The following NOL9 variants were observed in gnomAD, a reference collection of about 807,000 sequenced individuals.
NOL9 encodes polynucleotide 5'-hydroxyl-kinase NOL9.
A neutral mutation model predicts 67.9 loss-of-function variants in NOL9; 28 were observed. The observed-to-expected ratio is 0.41, with a 90% CI of 0.31 to 0.57. The LOEUF (loss-of-function observed/expected upper bound fraction) is 0.57. Ranked by LOEUF, NOL9 falls within the 20% of genes least tolerant of loss-of-function variation. The pLI, the probability that NOL9 is intolerant of heterozygous loss-of-function variation, is 0.25. For synonymous variants in NOL9, 356 were observed against 352.2 expected, an observed-to-expected ratio of 1.01 and a Z score of -0.12; for missense variants, 777 against 897.0, an observed-to-expected ratio of 0.87 and a Z score of 1.71.
rs1252957760 is a variant in NOL9 at position 6,531,979 on chromosome 1, T to C, written c.1636A>G (p.Thr546Ala). Residue 546 changes from threonine to alanine, a missense_variant, in exon 9 of 12, where the codon ACA becomes GCA. Thr to Ala is a moderately conservative substitution (Grantham distance 58). This residue lies in a region of NOL9 where 413 missense variants were observed against 552.6 expected (regional missense o/e 0.75). Transcript: ENST00000377705. Reference sequence around the variant, plus strand: ...TAAGTTCAGATTACCTGATAGGGTGTCAGGCTATGTAAAGGAGAAAGTGGT... The same window carrying C: ...TAAGTTCAGATTACCTGATAGGGTGCCAGGCTATGTAAAGGAGAAAGTGGT... ...PKPLSPLHSL[T>A]PYQVPFNAVA... 1.9e-6 allele frequency: 3 copies of C among 1,613,126 alleles called. No homozygotes were observed. Among genetic ancestry groups the C allele is most frequent in the Non-Finnish European group, 2.5e-6 (3 of 1,179,184 alleles).
In NOL9 at chr1:6,532,537, A is replaced by G; in HGVS notation, c.1461T>C (p.Ser487=). 6.2e-7 allele frequency: 1 copy of G among 1,613,814 alleles called. No individual in the cohort carries two copies. Among genetic ancestry groups the G allele is most frequent in the Non-Finnish European group, 8.5e-7 (1 of 1,179,952 alleles). Reference sequence around the variant, plus strand: ...GTTTATGTCCAGTGAACTCAACTGGACTCTCTTTTTCTTCATCAGCAAATT... The same window carrying G: ...GTTTATGTCCAGTGAACTCAACTGGGCTCTCTTTTTCTTCATCAGCAAATT... ...ALEFADEEKE[S]PVEFTGHKLI... Residue 487 remains serine, a synonymous_variant, in exon 8 of 12, where the codon AGT becomes AGC. Coordinates refer to ENST00000377705, the MANE Select transcript of NOL9 (RefSeq NM_024654.5).
chr1:6,533,009 T>C (rs949284409), intron 7 of NOL9, among the ~76,000 whole-genome samples: 4 of 152,188 alleles, frequency 2.6e-5, no homozygotes, highest in African/African-American at 4.8e-5. Flanking sequence ...ACCCCATCTT[T>C]ACTAAAACTA....
chr1:6,540,110 C>A (rs1464414656), intron 6 of NOL9, among the ~76,000 whole-genome samples: 13 of 139,102 alleles, frequency 9.3e-5, no homozygotes, highest in Non-Finnish European at 1.5e-4. Flanking sequence ...CTCAGCCTCC[C>A]AAGGAGAGTT....
At chr1:6,545,974 G>A (rs1453003817) in intron 3 of NOL9, among the ~76,000 whole-genome samples, 1 of 145,782 alleles carries the variant, frequency 6.9e-6, no homozygotes, top group Non-Finnish European at 1.5e-5. Flanking sequence ...GCTTCCTATC[G>A]GCAATGCTGG....
At position 6,526,662 on chromosome 1, in the gene NOL9, C is replaced by T. The variant is rs2148647962; in HGVS notation, c.1959+34G>A. 2.5e-6 allele frequency: 4 copies of T among 1,582,146 alleles called. No homozygotes were observed. In the East Asian group the frequency reaches 6.7e-5, roughly 27 times the overall value. On this transcript the variant is annotated intron_variant, in intron 11 of 11. Transcript: ENST00000377705. Reference sequence around the variant, plus strand: ...CCTCACTTCTGTGGACCTGAGTAGGCTCCTTCCAGGGCTGTGCCCGGGGGA... The same window carrying T: ...CCTCACTTCTGTGGACCTGAGTAGGTTCCTTCCAGGGCTGTGCCCGGGGGA...
chr1:6,528,892 C>T (rs529617549), intron 10 of NOL9, 102 bp downstream of exon 10: 249 of 1,185,156 alleles, frequency 2.1e-4, no homozygotes, highest in Non-Finnish European at 2.7e-4. Flanking sequence ...TCTCTGACCT[C>T]TGTAGCTTAG....
chr1:6,530,693 T>G (rs538235264), intron 9 of NOL9, among the ~76,000 whole-genome samples: 1 of 152,338 alleles, frequency 6.6e-6, no homozygotes, highest in East Asian at 1.9e-4. Context: ...TCAGCCTATG[T>G]GACCTAAGGC....
At chr1:6,533,548 C>A in intron 6 of NOL9, 107 bp from the exon 7 acceptor site, 2 of 803,244 alleles carry the variant, frequency 2.5e-6, no homozygotes, top group Non-Finnish European at 3.6e-6. Context: ...GACAAAGAAC[C>A]TTAGGAAATC....
At chr1:6,526,944 T>C in intron 10 of NOL9, 115 bp from the exon 11 acceptor site, 1 of 1,351,792 alleles carries the variant, frequency 7.4e-7, no homozygotes, top group Non-Finnish European at 9.9e-7. Flanking sequence ...CTCTGTTTTG[T>C]TTTGAAAATA....
At chr1:6,540,025 G>A (rs958090011) in intron 6 of NOL9, among the ~76,000 whole-genome samples, 1 of 151,930 alleles carries the variant, frequency 6.6e-6, no homozygotes, top group African/African-American at 2.4e-5. Flanking sequence ...TGCTCTTGCT[G>A]CCCAGACTGG....
At chr1:6,545,919 CAAAAAA>C (rs66980518) in intron 3 of NOL9, among the ~76,000 whole-genome samples, 4 of 59,662 alleles carry the variant, frequency 6.7e-5, no homozygotes, top group Non-Finnish European at 8.9e-5. Flanking sequence ...GTCTGTGTCT[CAAAAAA>C]AAAAAAAAAA....
In NOL9 at chr1:6,525,751, G is replaced by A; in HGVS notation, c.*103C>T. ...ACACAAAAAACACTGTTGCTAATAAGGGCACCATTCATGGCCATGAAACTC... is the reference window on the plus strand; with the variant it reads ...ACACAAAAAACACTGTTGCTAATAAAGGCACCATTCATGGCCATGAAACTC... On this transcript the variant is annotated 3_prime_UTR_variant, in exon 12 of 12. Transcript: ENST00000377705. 8.5e-7 allele frequency: 1 copy of A among 1,178,936 alleles called. No homozygotes were observed. The highest frequency in any genetic ancestry group is 1.3e-5 in the South Asian group (1 of 74,772). The allele number at this position is 1,178,936 out of a possible 1,614,324, so 73.0% of individuals were successfully genotyped here. A position where few individuals can be genotyped will look rare whatever the true frequency, so the allele number is the denominator to read the frequency against.
chr1:6,551,709 T>A (rs975914121), intron 1 of NOL9, among the ~76,000 whole-genome samples: 1 of 152,142 alleles, frequency 6.6e-6, no homozygotes, highest in African/African-American at 2.4e-5. Flanking sequence ...TGGAAGCCGT[T>A]ATCTTCAGCA....
chr1:6,545,547 C>G (rs1433581234), intron 3 of NOL9, among the ~76,000 whole-genome samples: 1 of 152,136 alleles, frequency 6.6e-6, no homozygotes, highest in African/African-American at 2.4e-5. Flanking sequence ...CAAAAACACA[C>G]GGACAGAACA....
At chr1:6,537,131 A>G (rs1434438088) in intron 6 of NOL9, among the ~76,000 whole-genome samples, 1 of 152,154 alleles carries the variant, frequency 6.6e-6, no homozygotes, top group African/African-American at 2.4e-5. Context: ...AGGTGCTAAT[A>G]ACAAAACAAG....
At chr1:6,541,118 C>A (rs1639281556) in intron 6 of NOL9, among the ~76,000 whole-genome samples, 1 of 147,664 alleles carries the variant, frequency 6.8e-6, no homozygotes, top group Non-Finnish European at 1.5e-5. Flanking sequence ...TGGGTTCATG[C>A]GATTCTCCTG....
At chr1:6,544,212 C>T (rs1486428295) in intron 5 of NOL9, among the ~76,000 whole-genome samples, 4 of 151,606 alleles carry the variant, frequency 2.6e-5, no homozygotes, top group African/African-American at 9.7e-5. Flanking sequence ...GAACCCAGGA[C>T]GTCAAGGCTG....
At chr1:6,544,544 C>CGCATGCACA (rs61278197) in intron 5 of NOL9, among the ~76,000 whole-genome samples, 3 of 118,666 alleles carry the variant, frequency 2.5e-5, no homozygotes, top group East Asian at 5.1e-4. Context: ...CACACACGCA[C>CGCATGCACA]CCCCCCCCCG....
rs537179799 is a variant in NOL9, at chr1:6,554,128, C to T, written c.375G>A (p.Leu125=). ...PVRPVGPGRA[L]LLLPVEQGFT... ...CTACCTGCTCGACCGGCAGCAGCAG[C>T]AACGCGCGGCCGGGGCCCACGGGCC... The change falls in exon 1 of 12, where the codon TTG becomes TTA. Residue 125 remains leucine (L), a synonymous_variant. Transcript: ENST00000377705. 8,643 of 1,530,306 alleles carry T rather than the reference C, an allele frequency of 5.6e-3. 29 individuals are homozygous for T. The highest frequency in any genetic ancestry group is 6.5e-3 in the Non-Finnish European group (7,411 of 1,138,202). 94.8% of individuals were successfully genotyped at this position (1,530,306 alleles called of 1,614,324 possible).
Sources: allele counts gnomAD v4.1 joint callset (sites outside exome capture counted in the v4.1 genomes callset), GRCh38; gene constraint gnomAD v4.1.1; regional missense constraint gnomAD v4.1.1; transcripts MANE v1.5; gene names NCBI Gene and HGNC (gene_info 2026-07-23, HGNC 2026-07-21).